Variants in PIGL observed in about 807,000 individuals in gnomAD.
The protein encoded by PIGL is N-acetylglucosaminyl-phosphatidylinositol de-N-acetylase.
A neutral mutation model predicts 31.1 loss-of-function variants in PIGL; 22 were observed. That is an observed-to-expected ratio of 0.71 (90% CI 0.51 to 1.01). The LOEUF (loss-of-function observed/expected upper bound fraction) is 1.01. Among genes scored for constraint, PIGL ranks in the 50% least tolerant of loss-of-function variants. PIGL has a pLI of 0.00. For missense variants in PIGL, 302 were observed against 315.9 expected (o/e 0.96, Z 0.33); for synonymous variants, 131 against 117.4 (o/e 1.12, Z -0.75).
intron 2 of PIGL, among the ~76,000 whole-genome samples, chr17:16,270,293 A>AG (rs2092865463): frequency 6.6e-6 from 1 of 150,990 alleles, no homozygotes; most frequent in East Asian, 1.9e-4. Flanking sequence ...CCATGTCAAA[A>AG]AAAAAAAAAA....
intron 3 of PIGL, among the ~76,000 whole-genome samples, chr17:16,305,933 G>T (rs2093024282): frequency 6.6e-6 from 1 of 152,062 alleles, no homozygotes; most frequent in African/African-American, 2.4e-5. Context: ...ACAGGTGCAC[G>T]CTAGCAAGCC....
intron 3 of PIGL, among the ~76,000 whole-genome samples, chr17:16,309,081 G>A (rs1272365010): frequency 6.6e-6 from 1 of 152,172 alleles, no homozygotes; most frequent in East Asian, 1.9e-4. Flanking sequence ...ATAAGACACT[G>A]TGCCCAGCCA....
intron 2 of PIGL, among the ~76,000 whole-genome samples, chr17:16,254,690 C>T (rs897428883): frequency 6.6e-6 from 1 of 151,452 alleles, no homozygotes; most frequent in Non-Finnish European, 1.5e-5. Context: ...CTGCAAGCTT[C>T]GCCTCCCAGG....
At chr17:16,247,429 T>C (rs2092753260) in intron 2 of PIGL, among the ~76,000 whole-genome samples, 1 of 152,186 alleles carries the variant, frequency 6.6e-6, no homozygotes, top group Non-Finnish European at 1.5e-5. Context: ...AACAGACAAG[T>C]TATATATTTA....
chr17:16,260,483 TC>T (rs942564356), intron 2 of PIGL, among the ~76,000 whole-genome samples: 1 of 152,144 alleles, frequency 6.6e-6, no homozygotes, highest in Non-Finnish European at 1.5e-5. Context: ...AGCTACTCAC[TC>T]CATGTCTCTT....
At chr17:16,232,975 C>T (rs178785) in intron 1 of PIGL, among the ~76,000 whole-genome samples, 1 of 151,758 alleles carries the variant, frequency 6.6e-6, no homozygotes, top group Non-Finnish European at 1.5e-5. Flanking sequence ...AAAATTAGCC[C>T]GGTGTGGTGG....
intron 2 of PIGL, among the ~76,000 whole-genome samples, chr17:16,258,507 T>A (rs1269396192): frequency 6.6e-6 from 1 of 150,954 alleles, no homozygotes; most frequent in Non-Finnish European, 1.5e-5. Flanking sequence ...TTTATTTATT[T>A]ATTTATTTAT....
chr17:16,324,565 G>C (rs2093119352), intron 6 of PIGL, among the ~76,000 whole-genome samples: 1 of 151,974 alleles, frequency 6.6e-6, no homozygotes, highest in African/African-American at 2.4e-5. Flanking sequence ...CTCCATGTTG[G>C]TCAGGCTGGT....
At chr17:16,238,909 CAAA>C (rs892510303) in intron 2 of PIGL, among the ~76,000 whole-genome samples, 5 of 75,398 alleles carry the variant, frequency 6.6e-5, no homozygotes, top group South Asian at 7.2e-4. Context: ...GACCCCGTCT[CAAA>C]AAAAAAAAAA....
chr17:16,316,680 G>A lies in PIGL; in HGVS notation c.495-1G>A. On this transcript the variant is annotated splice_acceptor_variant, in intron 4 of 6. Transcript: ENST00000225609. LOFTEE classifies it high-confidence loss of function. ...TCACTCTTGTCCTATCCCTCCTCCA[G>A]GGCCCTGCACTCAGAAGGGAAGTTA... 6.2e-7 allele frequency: 1 copy of A among 1,600,730 alleles called. No individual in the cohort carries two copies. Among genetic ancestry groups the A allele is most frequent in the Non-Finnish European group, 8.6e-7 (1 of 1,169,244 alleles).
At chr17:16,253,423 A>T (rs1466761415) in intron 2 of PIGL, among the ~76,000 whole-genome samples, 1 of 152,216 alleles carries the variant, frequency 6.6e-6, no homozygotes, top group East Asian at 1.9e-4. Context: ...AGTTGAGGTG[A>T]TGGATATGAT....
chr17:16,222,358 G>A (rs996433433), intron 1 of PIGL, among the ~76,000 whole-genome samples: 39 of 151,950 alleles, frequency 2.6e-4, no homozygotes, highest in African/African-American at 7.7e-4. Context: ...TCTTGGATTT[G>A]CATGAATAAT....
chr17:16,229,607 A>C (rs2092669645), intron 1 of PIGL, among the ~76,000 whole-genome samples: 1 of 151,458 alleles, frequency 6.6e-6, no homozygotes, highest in Non-Finnish European at 1.5e-5. Flanking sequence ...ACCAGCAATG[A>C]ACTATGGTTC....
chr17:16,275,883 G>C (rs559445261), intron 2 of PIGL, among the ~76,000 whole-genome samples: 1 of 152,238 alleles, frequency 6.6e-6, no homozygotes, highest in Admixed American at 6.5e-5. Context: ...AATTAGCCAG[G>C]TGTGGTGGTG....
At chr17:16,297,456 G>A (rs1035422714) in intron 2 of PIGL, among the ~76,000 whole-genome samples, 3 of 152,150 alleles carry the variant, frequency 2.0e-5, no homozygotes, top group African/African-American at 7.2e-5. Flanking sequence ...CCTTTCTCTC[G>A]TGTGCTAAAG....
chr17:16,311,770 T>C (rs1263034080), intron 3 of PIGL, among the ~76,000 whole-genome samples: 1 of 151,742 alleles, frequency 6.6e-6, no homozygotes, highest in African/African-American at 2.4e-5. Context: ...GAGCACAGGG[T>C]TGGGGGTAAG....
chr17:16,224,059 A>G (rs1291183649), intron 1 of PIGL, among the ~76,000 whole-genome samples: 1 of 151,940 alleles, frequency 6.6e-6, no homozygotes, highest in Non-Finnish European at 1.5e-5. Flanking sequence ...TACTAAAAAT[A>G]CAAAAATTAG....
intron 2 of PIGL, among the ~76,000 whole-genome samples, chr17:16,289,337 T>C (rs2092951029): frequency 6.6e-6 from 1 of 152,212 alleles, no homozygotes; most frequent in African/African-American, 2.4e-5. Flanking sequence ...TGATGCAATC[T>C]CTAGTTATCT....
intron 1 of PIGL, among the ~76,000 whole-genome samples, chr17:16,228,990 G>C (rs914703724): frequency 6.6e-6 from 1 of 152,128 alleles, no homozygotes; most frequent in African/African-American, 2.4e-5. Context: ...TTCATTTCTG[G>C]TTGAGCTCAG....
Sources: gnomAD v4.1 joint callset for allele counts (sites outside exome capture counted in the v4.1 genomes callset) on GRCh38, gnomAD v4.1.1 for gene constraint, MANE v1.5 for transcripts, NCBI Gene and HGNC (gene_info 2026-07-23, HGNC 2026-07-21) for gene names.